The following EPM2A variants were observed in gnomAD, a reference collection of about 807,000 sequenced individuals.
EPM2A encodes the protein EPM2A glucan phosphatase, laforin.
EPM2A carries 21 observed loss-of-function variants against 26.5 expected under a neutral mutation model. That is an observed-to-expected ratio of 0.79 (90% CI 0.56 to 1.14). The LOEUF is 1.14. Ranked by LOEUF, EPM2A falls within the 50% of genes most tolerant of loss-of-function variation. The pLI is 0.00. For missense variants in EPM2A, 458 were observed against 440.8 expected, an observed-to-expected ratio of 1.04 and a Z score of -0.35; for synonymous variants, 217 against 177.6, an observed-to-expected ratio of 1.22 and a Z score of -1.76.
intron 4 of EPM2A, among the ~76,000 whole-genome samples, chr6:145,416,031 T>C (rs1242456030): frequency 5.9e-5 from 9 of 152,188 alleles, no homozygotes; most frequent in Non-Finnish European, 1.5e-5. Flanking sequence ...TGCAGCTGAA[T>C]GGCATCACCA....
chr6:145,573,017 C>T (rs2114826983), intron 2 of EPM2A, among the ~76,000 whole-genome samples: 1 of 152,332 alleles, frequency 6.6e-6, no homozygotes, highest in East Asian at 1.9e-4. Context: ...AGGCCCCACA[C>T]CACTGGACTT....
downstream of EPM2A, among the ~76,000 whole-genome samples, chr6:145,499,927 G>C (rs528199120): frequency 6.7e-6 from 1 of 148,436 alleles, no homozygotes; most frequent in Non-Finnish European, 1.5e-5. Context: ...GGAGCACGAA[G>C]GTGAAGGAGC....
At chr6:145,550,394 G>A (rs74385055) in intron 2 of EPM2A, among the ~76,000 whole-genome samples, 7 of 151,982 alleles carry the variant, frequency 4.6e-5, no homozygotes, top group East Asian at 3.9e-4. Flanking sequence ...ATACCTCACC[G>A]GGTTTGGGGG....
intron 2 of EPM2A, among the ~76,000 whole-genome samples, chr6:145,548,341 G>A (rs1562378152): frequency 6.6e-6 from 1 of 152,052 alleles, no homozygotes; most frequent in Non-Finnish European, 1.5e-5. Flanking sequence ...CTTCTATTAA[G>A]AGCCCAAATA....
intron 2 of EPM2A, among the ~76,000 whole-genome samples, chr6:145,602,434 G>A (rs1562399039): frequency 1.3e-5 from 2 of 152,154 alleles, no homozygotes; most frequent in South Asian, 4.1e-4. Context: ...GGAAGAATTT[G>A]CCCCAGACTA....
Position 145,626,779 on chromosome 6 carries a change from A to C in EPM2A, c.*637T>G. ...GCTTTGTTTGGTAATTTTGAGGAAA[A>C]ACAACAACAAATGAGAGATAATTCT... On this transcript the variant is annotated 3_prime_UTR_variant, in exon 4 of 4. Transcript: ENST00000367519. 1.0e-6 allele frequency: 1 copy of C among 980,746 alleles called. No individual in the cohort carries two copies. The highest frequency in any genetic ancestry group is 1.2e-6 in the Non-Finnish European group (1 of 830,268). 60.8% of individuals were successfully genotyped at this position (980,746 alleles called of 1,614,324 possible).
chr6:145,446,787 A>C (rs897962769), intron 4 of EPM2A, among the ~76,000 whole-genome samples: 2 of 152,126 alleles, frequency 1.3e-5, no homozygotes, highest in Non-Finnish European at 1.5e-5. Flanking sequence ...ACTCAAAAGG[A>C]TGCCTCAAGG....
intron 2 of EPM2A, among the ~76,000 whole-genome samples, chr6:145,535,909 G>T (rs1158019274): frequency 2.0e-5 from 3 of 152,184 alleles, no homozygotes. Flanking sequence ...TCTGCCTGAA[G>T]CCCTGCTTTG....
At chr6:145,553,196 A>C (rs957976078) in intron 2 of EPM2A, among the ~76,000 whole-genome samples, 1 of 152,112 alleles carries the variant, frequency 6.6e-6, no homozygotes, top group Non-Finnish European at 1.5e-5. Context: ...CCCTGTGAAG[A>C]GATGCCTTCC....
intron 4 of EPM2A, among the ~76,000 whole-genome samples, chr6:145,461,973 C>T (rs983429797): frequency 2.6e-5 from 4 of 152,160 alleles, no homozygotes; most frequent in Non-Finnish European, 4.4e-5. Context: ...TATGCAAAAG[C>T]GTAAGCTCAG....
intron 2 of EPM2A, among the ~76,000 whole-genome samples, chr6:145,564,771 GGT>G (rs66475504): frequency 0.37 from 50,443 of 134,564 alleles, 8,899 homozygotes; most frequent in South Asian, 0.45. Flanking sequence ...GTGGGTATAT[GGT>G]GGGGGGGGGC....
chr6:145,410,750 T>A (rs1778632500), intron 4 of EPM2A, among the ~76,000 whole-genome samples: 2 of 152,110 alleles, frequency 1.3e-5, no homozygotes, highest in African/African-American at 4.8e-5. Context: ...GGTAAGACAA[T>A]ATGCTTGCTG....
At chr6:145,407,039 G>C (rs949240999) in intron 4 of EPM2A, among the ~76,000 whole-genome samples, 9 of 152,072 alleles carry the variant, frequency 5.9e-5, no homozygotes, top group African/African-American at 1.9e-4. Flanking sequence ...ATCGTGCCTC[G>C]TGGTAATGCA....
chr6:145,656,429 C>T (rs980873443), intron 2 of EPM2A, among the ~76,000 whole-genome samples: 7 of 152,174 alleles, frequency 4.6e-5, no homozygotes, highest in Non-Finnish European at 8.8e-5. Flanking sequence ...CAGGAGAGCA[C>T]CTAGACCCTA....
chr6:145,483,249 ATAAGCCAAGTGTC>A (rs1452835180), intron 4 of EPM2A, among the ~76,000 whole-genome samples: 1 of 152,140 alleles, frequency 6.6e-6, no homozygotes, highest in Non-Finnish European at 1.5e-5. Flanking sequence ...TCTGTAGCAC[ATAAGCCAAGTGTC>A]TAGCTAGTCC....
chr6:145,646,425 C>T (rs902264788), intron 2 of EPM2A, among the ~76,000 whole-genome samples: 2 of 151,964 alleles, frequency 1.3e-5, no homozygotes, highest in African/African-American at 2.4e-5. Context: ...TTCTGCCCAC[C>T]TCGGCCTCCC....
chr6:145,502,644 T>C (rs1779908285), intron 2 of EPM2A: 5 of 468,568 alleles, frequency 1.1e-5, no homozygotes, highest in South Asian at 7.8e-5. Context: ...CTCAAGATGT[T>C]GTTATTCAGT....
intron 2 of EPM2A, chr6:145,636,924 A>G (rs1014262583): frequency 8.0e-4 from 95 of 118,122 alleles, no homozygotes; most frequent in Middle Eastern, 4.7e-3. Flanking sequence ...AACCTGTCTG[A>G]AAAAAAAAAA....
At chr6:145,412,510 A>G (rs1778657813) in intron 4 of EPM2A, among the ~76,000 whole-genome samples, 2 of 152,170 alleles carry the variant, frequency 1.3e-5, no homozygotes, top group Admixed American at 1.3e-4. Context: ...ATATCAACTG[A>G]TTTTGTAGAA....
Sources: gnomAD v4.1 joint callset for allele counts (sites outside exome capture counted in the v4.1 genomes callset) on GRCh38, gnomAD v4.1.1 for gene constraint, MANE v1.5 for transcripts, NCBI Gene and HGNC (gene_info 2026-07-23, HGNC 2026-07-21) for gene names.